JAKMIP3: variants seen among roughly 807,000 people sequenced by gnomAD.
JAKMIP3 encodes Janus kinase and microtubule interacting protein 3, also known as janus kinase and microtubule-interacting protein 3.
JAKMIP3 carries 58 observed loss-of-function variants against 118.5 expected under a neutral mutation model. The observed-to-expected ratio is 0.49, with a 90% CI of 0.40 to 0.61. JAKMIP3 has a LOEUF of 0.61. Ranked by LOEUF, JAKMIP3 falls within the 20% of genes least tolerant of loss-of-function variation. JAKMIP3 has a pLI of 0.00. For synonymous variants in JAKMIP3, 486 were observed against 451.2 expected (o/e 1.08, Z -0.98); for missense variants, 950 against 1,109.0 (o/e 0.86, Z 2.04).
At position 132,140,446 on chromosome 10, in the gene JAKMIP3, A is replaced by G; in HGVS notation, c.1345-5A>G. The G allele has an allele frequency of 6.2e-7, 1 of 1,613,634 alleles. No homozygotes were observed. The highest frequency in any genetic ancestry group is 8.5e-7 in the Non-Finnish European group (1 of 1,179,838). On this transcript the variant is annotated splice_region_variant and splice_polypyrimidine_tract_variant and intron_variant, in intron 9 of 23. Transcript: ENST00000684848. ...TGAACTGACACGTCGCATTTTGGTC[A>G]CAAGCCGGTGGTTGTGGAGACCTTC...
At chr10:132,116,950 G>C in intron 2 of JAKMIP3, 127 bp from the exon 3 acceptor site, 1 of 1,137,566 alleles carries the variant, frequency 8.8e-7, no homozygotes. Context: ...CAACGTGGAA[G>C]CTCCCCTTGA....
chr10:132,099,266 C>T (rs1032547694), intron 1 of JAKMIP3, among the ~76,000 whole-genome samples: 2 of 152,082 alleles, frequency 1.3e-5, no homozygotes, highest in African/African-American at 4.8e-5. Flanking sequence ...GGTGATTCAC[C>T]GGCGGTGGAA....
At position 132,079,199 on chromosome 10, in the gene JAKMIP3, G is replaced by A. The variant is rs534650565; in HGVS notation, c.-138+13138G>A. ...GGGGTCTGTGGACCCCGGTAGCCTC[G>A]CTTCTGGTGGTGGGATCTGCATTTG... On this transcript the variant is annotated intron_variant, in intron 1 of 23. Transcript: ENST00000684848. Among the ~76,000 whole-genome samples the A allele has an allele frequency of 1.6e-4, 23 of 143,526 alleles. 1 individual carries two copies. Among genetic ancestry groups the A allele is most frequent in the Non-Finnish European group, 2.7e-4 (18 of 65,982 alleles). The allele number at this position is 143,526 out of a possible 152,430, so 94.2% of individuals were successfully genotyped here.
rs80213448 is a variant in JAKMIP3, at chr10:132,067,069, C to G, written c.-138+1008C>G. ...TTTGAGCAGGTCCGTGGTAAAACGCCACCTCAGTTCCCGAGAAGAGCAGCA... is the reference window on the plus strand; with the variant it reads ...TTTGAGCAGGTCCGTGGTAAAACGCGACCTCAGTTCCCGAGAAGAGCAGCA... On this transcript the variant is annotated intron_variant, in intron 1 of 23. Coordinates refer to ENST00000684848, the MANE Select transcript of JAKMIP3 (RefSeq NM_001323087.2). Among the ~76,000 whole-genome samples, 6 of 152,204 alleles carry G rather than the reference C, an allele frequency of 3.9e-5. No homozygotes were observed. The East Asian group carries it at 1.2e-3, about 29-fold the overall frequency.
chr10:132,100,609 C>T (rs532103608), intron 1 of JAKMIP3, among the ~76,000 whole-genome samples: 6 of 146,482 alleles, frequency 4.1e-5, no homozygotes, highest in South Asian at 2.1e-4. Context: ...GCGCAGGCCA[C>T]GCCCCCCCAG....
chr10:132,092,153 C>CGGA (rs2043177594), intron 1 of JAKMIP3, among the ~76,000 whole-genome samples: 3 of 152,290 alleles, frequency 2.0e-5, no homozygotes, highest in African/African-American at 4.8e-5. Context: ...GTCTGATGGG[C>CGGA]TTCCCTTTGT....
intron 14 of JAKMIP3, 64 bp from the exon 15 acceptor site, chr10:132,149,348 C>A: frequency 8.9e-7 from 1 of 1,123,470 alleles, no homozygotes; most frequent in Non-Finnish European, 1.3e-6. Flanking sequence ...CAGGCCCCAG[C>A]ACAGTCCTCT....
chr10:132,045,695 G>A (rs371947727), intron 1 of JAKMIP3, among the ~76,000 whole-genome samples: 26 of 152,120 alleles, frequency 1.7e-4, no homozygotes, highest in African/African-American at 5.8e-4. Context: ...TTGGGAGACC[G>A]AGGCAGGAGC....
rs1218109040 is a variant in JAKMIP3, at chr10:132,118,040, G to A, written c.633+466G>A. 6.6e-6 allele frequency among the ~76,000 whole-genome samples: 1 copy of A among 152,196 alleles called. No homozygotes were observed. Among genetic ancestry groups the A allele is most frequent in the Non-Finnish European group, 1.5e-5 (1 of 68,040 alleles). ...GGGGGGACTCAGAGGGAATTCTCCAGTGATTCTCCAGTTGAACTCACAGGA... is the reference window on the plus strand; with the variant it reads ...GGGGGGACTCAGAGGGAATTCTCCAATGATTCTCCAGTTGAACTCACAGGA... On this transcript the variant is annotated intron_variant, in intron 3 of 23. Coordinates refer to ENST00000684848, the MANE Select transcript of JAKMIP3 (RefSeq NM_001323087.2). The surrounding 1 kb of genome is among the most constrained non-coding windows in gnomAD (Gnocchi z 4.8).
At chr10:132,066,869 T>C (rs187603032) in intron 1 of JAKMIP3, among the ~76,000 whole-genome samples, 2 of 152,214 alleles carry the variant, frequency 1.3e-5, no homozygotes, top group African/African-American at 2.4e-5. Flanking sequence ...TGATGCTTAT[T>C]GAGATGTCAG....
intron 1 of JAKMIP3, among the ~76,000 whole-genome samples, chr10:132,073,745 G>T (rs2040347895): frequency 6.6e-6 from 1 of 151,952 alleles, no homozygotes; most frequent in Non-Finnish European, 1.5e-5. Context: ...CAGTCCACTT[G>T]CCTTGGCCTT....
intron 2 of JAKMIP3, among the ~76,000 whole-genome samples, chr10:132,113,194 G>A (rs1194731481): frequency 1.3e-5 from 2 of 152,186 alleles, no homozygotes; most frequent in Non-Finnish European, 2.9e-5. Context: ...GTGAATGGCC[G>A]AAAGCATTAG....
intron 5 of JAKMIP3, 44 bp from the exon 6 acceptor site, chr10:132,135,886 T>C (rs1225471609): frequency 6.3e-7 from 1 of 1,585,566 alleles, no homozygotes; most frequent in Admixed American, 1.8e-5. Flanking sequence ...ACCTGCTGGT[T>C]CTCCGTCACT....
intron 15 of JAKMIP3, 61 bp downstream of exon 15, chr10:132,149,571 T>TCCCTGCCCCCGCCCCCCCCCCC: frequency 3.2e-6 from 1 of 311,812 alleles, no homozygotes; most frequent in South Asian, 4.3e-5. Flanking sequence ...CCCCACCCCC[T>TCCCTGCCCCCGCCCCCCCCCCC]CTCCGCCCCC....
chr10:132,048,074 C>T (rs1243867725), intron 1 of JAKMIP3, among the ~76,000 whole-genome samples: 2 of 152,234 alleles, frequency 1.3e-5, no homozygotes, highest in South Asian at 2.1e-4. Flanking sequence ...GTGACGGGAA[C>T]GAGGTCGTGC....
intron 1 of JAKMIP3, among the ~76,000 whole-genome samples, chr10:132,055,302 T>C (rs560769651): frequency 6.6e-6 from 1 of 152,264 alleles, no homozygotes; most frequent in African/African-American, 2.4e-5. Context: ...TCAAATAAAT[T>C]GTCCAAGTAT....
chr10:132,109,013 A>G (rs1466961109), intron 2 of JAKMIP3, among the ~76,000 whole-genome samples: 1 of 149,418 alleles, frequency 6.7e-6, no homozygotes, highest in African/African-American at 2.5e-5. Flanking sequence ...GCAAATGTAT[A>G]TATGTATACA....
chr10:132,171,713 G>A (rs540344596), intron 23 of JAKMIP3, among the ~76,000 whole-genome samples: 13 of 148,080 alleles, frequency 8.8e-5, no homozygotes, highest in South Asian at 4.3e-4. Flanking sequence ...GTTCAGTGGC[G>A]CGATCTCGGC....
chr10:132,171,996 C>G (rs1286093783), intron 23 of JAKMIP3, among the ~76,000 whole-genome samples: 1 of 152,156 alleles, frequency 6.6e-6, no homozygotes, highest in East Asian at 1.9e-4. Context: ...CAAAACTTAA[C>G]TCAGCCACAC....
Sources: allele counts gnomAD v4.1 joint callset (sites outside exome capture counted in the v4.1 genomes callset), GRCh38; gene constraint gnomAD v4.1.1; non-coding constraint Gnocchi (gnomAD v3.1); transcripts MANE v1.5; gene names NCBI Gene and HGNC (gene_info 2026-07-23, HGNC 2026-07-21).